Variants in NCALD observed in about 807,000 individuals in gnomAD.
NCALD encodes neurocalcin-delta.
NCALD carries 10 observed loss-of-function variants against 18.6 expected under a neutral mutation model. The observed-to-expected ratio is 0.54, with a 90% CI of 0.33 to 0.91. NCALD has a LOEUF of 0.91. Ranked by LOEUF, NCALD falls within the 40% of genes least tolerant of loss-of-function variation. The probability of loss-of-function intolerance (pLI) is 0.03; values close to 1 mark genes in which losing one functional copy is unlikely to be tolerated. For synonymous variants in NCALD, 88 were observed against 87.4 expected, an observed-to-expected ratio of 1.01 and a Z score of -0.04; for missense variants, 184 against 247.6, an observed-to-expected ratio of 0.74 and a Z score of 1.72.
intron 2 of NCALD, among the ~76,000 whole-genome samples, chr8:101,929,571 A>AGGAG (rs1818489717): frequency 1.8e-5 from 1 of 55,262 alleles, no homozygotes; most frequent in Non-Finnish European, 3.5e-5. Context: ...AAGGAAGGGA[A>AGGAG]GGAGGGAGGG....
intron 3 of NCALD, among the ~76,000 whole-genome samples, chr8:101,914,667 C>T (rs1309392220): frequency 1.3e-5 from 2 of 152,116 alleles, no homozygotes; most frequent in African/African-American, 4.8e-5. Flanking sequence ...TTCTAACTTC[C>T]TTTCTTTGCT....
intron 2 of NCALD, among the ~76,000 whole-genome samples, chr8:101,696,251 T>G (rs540003193): frequency 6.6e-6 from 1 of 152,322 alleles, no homozygotes; most frequent in African/African-American, 2.4e-5. Context: ...TACCAGGTAT[T>G]GACATTGACC....
At chr8:101,694,566 G>A (rs1033674748) in intron 2 of NCALD, among the ~76,000 whole-genome samples, 6 of 152,136 alleles carry the variant, frequency 3.9e-5, no homozygotes, top group African/African-American at 1.2e-4. Context: ...AGCTGACTCT[G>A]CAGCGACTTG....
At chr8:101,993,838 C>T (rs1356883813) in intron 2 of NCALD, among the ~76,000 whole-genome samples, 2 of 152,226 alleles carry the variant, frequency 1.3e-5, no homozygotes, top group Admixed American at 6.5e-5. Flanking sequence ...GTGCTAAACT[C>T]CTTGGAGTCC....
intron 1 of NCALD, among the ~76,000 whole-genome samples, chr8:101,784,437 A>G (rs962670540): frequency 1.3e-5 from 2 of 152,166 alleles, no homozygotes; most frequent in Non-Finnish European, 2.9e-5. Flanking sequence ...TGGACCAATC[A>G]TAAGCCCATT....
At chr8:101,857,550 C>T (rs1815368739) in intron 4 of NCALD, among the ~76,000 whole-genome samples, 1 of 152,162 alleles carries the variant, frequency 6.6e-6, no homozygotes, top group Non-Finnish European at 1.5e-5. Flanking sequence ...CACCTCCAGA[C>T]AGCACCTTTG....
At chr8:102,098,754 G>A (rs1031023478) in intron 1 of NCALD, among the ~76,000 whole-genome samples, 19 of 152,142 alleles carry the variant, frequency 1.2e-4, no homozygotes, top group African/African-American at 4.6e-4. Context: ...ACCAGACCCT[G>A]CCCTCCCAAA....
At chr8:102,104,129 C>A (rs1043104652) in intron 1 of NCALD, among the ~76,000 whole-genome samples, 1 of 152,192 alleles carries the variant, frequency 6.6e-6, no homozygotes, top group Admixed American at 6.5e-5. Context: ...AACCTCCACA[C>A]GACTTCAAGT....
chr8:101,736,559 C>T (rs1586351761), intron 1 of NCALD, among the ~76,000 whole-genome samples: 1 of 152,126 alleles, frequency 6.6e-6, no homozygotes. Context: ...CTTAAGGGCA[C>T]AGAGTTAAAC....
At chr8:101,821,271 G>A (rs993332532) in intron 4 of NCALD, among the ~76,000 whole-genome samples, 1 of 152,122 alleles carries the variant, frequency 6.6e-6, no homozygotes, top group African/African-American at 2.4e-5. Context: ...TATGTTAACT[G>A]CAGTAAGAAA....
At chr8:102,024,238 G>A (rs1403223345) in intron 1 of NCALD, among the ~76,000 whole-genome samples, 1 of 152,218 alleles carries the variant, frequency 6.6e-6, no homozygotes, top group African/African-American at 2.4e-5. Context: ...AAAGTCAAAT[G>A]TCTCTCAAAC....
intron 4 of NCALD, among the ~76,000 whole-genome samples, chr8:101,880,418 CTGG>C (rs1816441759): frequency 6.6e-6 from 1 of 152,166 alleles, no homozygotes; most frequent in Non-Finnish European, 1.5e-5. Context: ...GCAGAGGGAG[CTGG>C]CTCTGGCCTT....
At position 101,859,166 on chromosome 8, in the gene NCALD, GTCT is replaced by G. The variant is rs369874891; in HGVS notation, c.-20+27972_-20+27974del. Among the ~76,000 whole-genome samples the G allele has an allele frequency of 5.5e-4, 84 of 152,292 alleles. 3 individuals carry two copies. In the South Asian group the frequency reaches 0.017, roughly 31 times the overall value. The stretch of plus-strand genomic sequence containing the variant: ...AAGTTGGAAGGACTGGGCTTGCTGA[GTCT>G]TCTGGCCTCCATCTTTCTCCCGTGC... On this transcript the variant is annotated intron_variant, in intron 4 of 6. Coordinates refer to the NCALD transcript ENST00000311028.
rs189988162 is a variant in NCALD, at chr8:101,949,102, C to T, written c.-156-33244G>A. Among the ~76,000 whole-genome samples, 227 of 152,314 alleles carry T rather than the reference C, an allele frequency of 1.5e-3. 1 individual carries two copies. The highest frequency in any genetic ancestry group is 1.6e-3 in the Non-Finnish European group (107 of 68,032). On this transcript the variant is annotated intron_variant, in intron 2 of 6. Coordinates refer to the NCALD transcript ENST00000311028. Reference sequence around the variant, plus strand: ...TGCATAAAAATGAACTGCTTACTACCTACCCACCTTGTATAAGCTACTTAT... The same window carrying T: ...TGCATAAAAATGAACTGCTTACTACTTACCCACCTTGTATAAGCTACTTAT...
intron 1 of NCALD, among the ~76,000 whole-genome samples, chr8:101,740,500 T>C (rs558234703): frequency 3.3e-5 from 5 of 152,344 alleles, no homozygotes; most frequent in Admixed American, 2.0e-4. Flanking sequence ...CCTTCCACTC[T>C]GCAGGGTATC....
intron 4 of NCALD, among the ~76,000 whole-genome samples, chr8:101,849,031 A>G (rs1196194638): frequency 6.6e-6 from 1 of 152,220 alleles, no homozygotes; most frequent in Non-Finnish European, 1.5e-5. Flanking sequence ...CAGCCATAAA[A>G]AGGAATGAGA....
chr8:101,735,095 A>G (rs1817016334), intron 1 of NCALD, among the ~76,000 whole-genome samples: 2 of 152,160 alleles, frequency 1.3e-5, no homozygotes, highest in African/African-American at 4.8e-5. Flanking sequence ...GGGAGGATGG[A>G]TGTTGGGGTG....
intron 4 of NCALD, among the ~76,000 whole-genome samples, chr8:101,833,143 C>T (rs1203411742): frequency 3.3e-5 from 5 of 152,256 alleles, no homozygotes; most frequent in Middle Eastern, 3.4e-3. Context: ...TCACTTTCCT[C>T]GTATGATGGA....
At chr8:101,963,015 CT>C (rs1819891921) in intron 2 of NCALD, among the ~76,000 whole-genome samples, 1 of 152,100 alleles carries the variant, frequency 6.6e-6, no homozygotes, top group Non-Finnish European at 1.5e-5. Context: ...TGATTCATAC[CT>C]TTTGCCAATT....
Sources: gnomAD v4.1 joint callset for allele counts (sites outside exome capture counted in the v4.1 genomes callset) on GRCh38, gnomAD v4.1.1 for gene constraint, MANE v1.5 for transcripts, NCBI Gene and HGNC (gene_info 2026-07-23, HGNC 2026-07-21) for gene names.